KATNAL1: variants seen among roughly 807,000 people sequenced by gnomAD.
The protein encoded by KATNAL1 is katanin catalytic subunit A1 like 1.
A neutral mutation model predicts 55.2 loss-of-function variants in KATNAL1; 32 were observed. The observed-to-expected ratio is 0.58, with a 90% CI of 0.44 to 0.78. The LOEUF (loss-of-function observed/expected upper bound fraction) is 0.78, where lower values mean the gene tolerates loss of function less well. Ranked by LOEUF, KATNAL1 falls within the 30% of genes least tolerant of loss-of-function variation. The pLI, the probability that KATNAL1 is intolerant of heterozygous loss-of-function variation, is 0.00. For missense variants in KATNAL1, 466 were observed against 600.9 expected (o/e 0.78, Z 2.35); for synonymous variants, 193 against 193.6 (o/e 1.00, Z 0.02).
At chr13:30,295,305 C>T (rs1882407389) in intron 1 of KATNAL1, among the ~76,000 whole-genome samples, 1 of 152,170 alleles carries the variant, frequency 6.6e-6, no homozygotes. Context: ...AAAACATTAA[C>T]ACTAACAGGA....
intron 1 of KATNAL1, among the ~76,000 whole-genome samples, chr13:30,288,018 G>A (rs1315094228): frequency 6.6e-6 from 1 of 152,114 alleles, no homozygotes; most frequent in Non-Finnish European, 1.5e-5. Context: ...CTGTAAGACA[G>A]GTTGACTAAG....
At chr13:30,233,397 C>T (rs1047462938) in intron 6 of KATNAL1, among the ~76,000 whole-genome samples, 1 of 151,864 alleles carries the variant, frequency 6.6e-6, no homozygotes, top group South Asian at 2.1e-4. Context: ...CAAGTTAAAA[C>T]CAAAATGAGA....
chr13:30,252,330 T>G (rs2137454577), intron 4 of KATNAL1, among the ~76,000 whole-genome samples: 1 of 152,358 alleles, frequency 6.6e-6, no homozygotes, highest in African/African-American at 2.4e-5. Flanking sequence ...CTACTACTGC[T>G]ATTATTAGTT....
At chr13:30,287,309 G>A (rs1462678472) in intron 1 of KATNAL1, among the ~76,000 whole-genome samples, 1 of 152,142 alleles carries the variant, frequency 6.6e-6, no homozygotes, top group Non-Finnish European at 1.5e-5. Context: ...TCATGGGGGT[G>A]GTTCCCCCAT....
At position 30,237,977 on chromosome 13, in the gene KATNAL1, T is replaced by C. The variant is rs541788565; in HGVS notation, c.726+2483A>G. 2.0e-5 allele frequency among the ~76,000 whole-genome samples: 3 copies of C among 152,338 alleles called. No homozygotes were observed. The South Asian group carries it at 6.2e-4, about 32-fold the overall frequency. On this transcript the variant is annotated intron_variant, in intron 6 of 10. Coordinates refer to ENST00000380615, the MANE Select transcript of KATNAL1 (RefSeq NM_032116.5). ...CATCTGTCCTTCCATTCCTAATTCA[T>C]AATCACCATCCCAATTCAGGCTCTT...
intron 3 of KATNAL1, among the ~76,000 whole-genome samples, chr13:30,272,236 A>T (rs1247719855): frequency 6.6e-6 from 1 of 152,124 alleles, no homozygotes; most frequent in Non-Finnish European, 1.5e-5. Flanking sequence ...CGTCTCTACT[A>T]AAAATACAAA....
chr13:30,280,297 TAG>T, intron 2 of KATNAL1, 74 bp from the exon 3 acceptor site: 3 of 1,180,684 alleles, frequency 2.5e-6, no homozygotes, highest in Non-Finnish European at 1.1e-6. Context: ...TAAATTACTA[TAG>T]AGTGCACGTT....
At chr13:30,221,527 T>C (rs193008597) in intron 9 of KATNAL1, among the ~76,000 whole-genome samples, 4 of 152,268 alleles carry the variant, frequency 2.6e-5, no homozygotes, top group Admixed American at 1.3e-4. Context: ...CAAAAACAAA[T>C]GATTCAATTG....
intron 3 of KATNAL1, among the ~76,000 whole-genome samples, chr13:30,260,521 T>G (rs1879188381): frequency 6.6e-6 from 1 of 152,078 alleles, no homozygotes; most frequent in Non-Finnish European, 1.5e-5. Context: ...AGAGAAGTGC[T>G]TAAAGGAACT....
intron 1 of KATNAL1, among the ~76,000 whole-genome samples, chr13:30,286,636 T>C (rs1049870927): frequency 2.0e-5 from 3 of 152,132 alleles, no homozygotes; most frequent in Non-Finnish European, 4.4e-5. Flanking sequence ...GGCTGGAACT[T>C]CCACTGAGTC....
At chr13:30,263,057 G>T (rs1393833005) in intron 3 of KATNAL1, among the ~76,000 whole-genome samples, 1 of 152,130 alleles carries the variant, frequency 6.6e-6, no homozygotes, top group Non-Finnish European at 1.5e-5. Context: ...ATGCAAGGCT[G>T]GTTCAATATA....
At chr13:30,213,559 T>A (rs1201867932) in intron 9 of KATNAL1, among the ~76,000 whole-genome samples, 1 of 152,138 alleles carries the variant, frequency 6.6e-6, no homozygotes, top group Non-Finnish European at 1.5e-5. Context: ...GCAGCACATC[T>A]AAAAGCTTAT....
intron 9 of KATNAL1, among the ~76,000 whole-genome samples, chr13:30,213,995 C>T (rs927449826): frequency 3.3e-5 from 5 of 152,138 alleles, no homozygotes; most frequent in Admixed American, 2.6e-4. Context: ...TCCCTGTTTG[C>T]AGATGACATG....
At chr13:30,208,852 G>A (rs1873396090) in intron 10 of KATNAL1, 114 bp from the exon 11 acceptor site, 2 of 759,116 alleles carry the variant, frequency 2.6e-6, no homozygotes, top group African/African-American at 3.6e-5. Context: ...GTTTTTATGA[G>A]GCTTCTTAGA....
intron 4 of KATNAL1, among the ~76,000 whole-genome samples, chr13:30,243,608 CAAAAAAAAAAAAAA>C (rs139687662): frequency 3.5e-5 from 3 of 86,456 alleles, no homozygotes; most frequent in African/African-American, 1.2e-4. Flanking sequence ...GGTATTAAGC[CAAAAAAAAAAAAAA>C]AAAAAAAAAA....
chr13:30,265,271 C>T (rs1455191446), intron 3 of KATNAL1, among the ~76,000 whole-genome samples: 1 of 151,710 alleles, frequency 6.6e-6, no homozygotes, highest in African/African-American at 2.4e-5. Context: ...ATACCTAACG[C>T]TAGATGACGA....
chr13:30,269,229 A>G (rs1011515743), intron 3 of KATNAL1, among the ~76,000 whole-genome samples: 2 of 152,330 alleles, frequency 1.3e-5, no homozygotes, highest in Non-Finnish European at 1.5e-5. Flanking sequence ...TTGCAGGCGC[A>G]CGCAGCCACG....
chr13:30,211,585 C>T (rs1873693865), intron 9 of KATNAL1, among the ~76,000 whole-genome samples: 1 of 152,162 alleles, frequency 6.6e-6, no homozygotes, highest in African/African-American at 2.4e-5. Context: ...AACAGTTCCC[C>T]AGTGTTTACT....
intron 3 of KATNAL1, among the ~76,000 whole-genome samples, chr13:30,265,700 GA>G (rs1566116286): frequency 3.3e-5 from 5 of 149,594 alleles, no homozygotes; most frequent in South Asian, 4.2e-4. Flanking sequence ...CCTTTTAAGA[GA>G]TTTTTTTTTT....
Sources: allele counts gnomAD v4.1 joint callset (sites outside exome capture counted in the v4.1 genomes callset), GRCh38; gene constraint gnomAD v4.1.1; transcripts MANE v1.5; gene names NCBI Gene and HGNC (gene_info 2026-07-23, HGNC 2026-07-21).